Variants in RAB38 observed in about 807,000 individuals in gnomAD.
RAB38 encodes the protein ras-related protein Rab-38.
A neutral mutation model predicts 18.4 loss-of-function variants in RAB38; 15 were observed. That is an observed-to-expected ratio of 0.82 (90% confidence interval 0.55 to 1.26). The LOEUF (loss-of-function observed/expected upper bound fraction) is 1.26. Among genes scored for constraint, RAB38 ranks in the 50% most tolerant of loss-of-function variants. RAB38 has a pLI of 0.00. For synonymous variants in RAB38, 101 were observed against 104.4 expected, an observed-to-expected ratio of 0.97 and a Z score of 0.20; for missense variants, 294 against 267.4, an observed-to-expected ratio of 1.10 and a Z score of -0.69.
At chr11:88,036,740 G>A in the RAB38 span, among the ~76,000 whole-genome samples, 3 of 151,864 alleles carry the variant, frequency 2.0e-5, no homozygotes, top group Admixed American at 2.0e-4. Flanking sequence ...TTATTTACTT[G>A]AGAACTATTA....
At chr11:87,910,628 A>ATTTTTTTTTTTT in the RAB38 span, among the ~76,000 whole-genome samples, 4 of 74,194 alleles carry the variant, frequency 5.4e-5, no homozygotes, top group African/African-American at 2.4e-4. Context: ...TTCAAAGTTC[A>ATTTTTTTTTTTT]TTTTCTTTTT....
At position 88,175,244 on chromosome 11, in the gene RAB38, C is replaced by A. The variant is rs1437937995; in HGVS notation, c.141G>T (p.Ala47=). 1.2e-6 allele frequency: 2 copies of A among 1,614,126 alleles called. No homozygotes were observed. Among genetic ancestry groups the A allele is most frequent in the South Asian group, 1.1e-5 (1 of 91,066 alleles). Residue 47 remains alanine (A), a synonymous_variant, in exon 1 of 3, where the codon GCG becomes GCT. Coordinates refer to ENST00000243662, the MANE Select transcript of RAB38 (RefSeq NM_022337.3). The stretch of plus-strand genomic sequence containing the variant: ...CCGGGTCCCAGTGGAGCACCTTGAG[C>A]GCGAAGTCCACGCCGATTGTGGCCC... The part of the protein sequence containing the change: ...HYRATIGVDF[A]LKVLHWDPET...
At chr11:87,861,420 G>C in the RAB38 span, among the ~76,000 whole-genome samples, 1 of 151,830 alleles carries the variant, frequency 6.6e-6, no homozygotes, top group Non-Finnish European at 1.5e-5. Flanking sequence ...TATAATCAGG[G>C]ATGAAACAAA....
chr11:87,940,177 A>AAG, the RAB38 span, among the ~76,000 whole-genome samples: 5 of 151,732 alleles, frequency 3.3e-5, no homozygotes, highest in East Asian at 9.7e-4. Context: ...AAAAAAAAAA[A>AAG]AAAGAGAGAG....
At chr11:87,886,884 A>G in the RAB38 span, among the ~76,000 whole-genome samples, 1 of 144,184 alleles carries the variant, frequency 6.9e-6, no homozygotes, top group African/African-American at 2.6e-5. Flanking sequence ...ATCACTATCT[A>G]TGTTCAATGG....
the RAB38 span, among the ~76,000 whole-genome samples, chr11:87,855,935 G>T: frequency 2.0e-5 from 3 of 152,016 alleles, no homozygotes; most frequent in Non-Finnish European, 1.5e-5. Flanking sequence ...TAATCTTGGG[G>T]GTACAACACT....
chr11:87,884,788 A>G, the RAB38 span, among the ~76,000 whole-genome samples: 1 of 151,920 alleles, frequency 6.6e-6, no homozygotes, highest in African/African-American at 2.4e-5. Flanking sequence ...CCATTTTATC[A>G]TGACATTACC....
At chr11:87,812,293 T>A in the RAB38 span, among the ~76,000 whole-genome samples, 1 of 152,202 alleles carries the variant, frequency 6.6e-6, no homozygotes, top group African/African-American at 2.4e-5. Context: ...GATGCTCTGA[T>A]TGCCCTTAGG....
chr11:87,949,465 C>A, the RAB38 span, among the ~76,000 whole-genome samples: 3 of 152,094 alleles, frequency 2.0e-5, no homozygotes, highest in Non-Finnish European at 4.4e-5. Context: ...TTTTCTAGTT[C>A]TTTTAAATGT....
the RAB38 span, among the ~76,000 whole-genome samples, chr11:87,829,184 T>C: frequency 6.6e-6 from 1 of 152,228 alleles, no homozygotes; most frequent in Non-Finnish European, 1.5e-5. Flanking sequence ...GAAAGGCAAG[T>C]AACTACACAC....
chr11:87,958,535 A>G, the RAB38 span, among the ~76,000 whole-genome samples: 1 of 152,132 alleles, frequency 6.6e-6, no homozygotes, highest in Non-Finnish European at 1.5e-5. Flanking sequence ...TAGCAATGTT[A>G]TGATACACCT....
At chr11:88,083,666 C>T in the RAB38 span, among the ~76,000 whole-genome samples, 1 of 151,876 alleles carries the variant, frequency 6.6e-6, no homozygotes, top group Non-Finnish European at 1.5e-5. Context: ...GTCATGAGGG[C>T]TCTGCCGTCA....
chr11:88,136,429 A>G (rs531844994), intron 2 of RAB38, among the ~76,000 whole-genome samples: 118 of 152,324 alleles, frequency 7.7e-4, no homozygotes, highest in Admixed American at 1.6e-3. Flanking sequence ...AGACAAAATC[A>G]ATACTAAAAA....
chr11:87,827,958 C>A, the RAB38 span, among the ~76,000 whole-genome samples: 1 of 152,142 alleles, frequency 6.6e-6, no homozygotes, highest in African/African-American at 2.4e-5. Flanking sequence ...ACAAAAAGAA[C>A]ATTAGTGGAA....
chr11:87,951,568 G>A, the RAB38 span, among the ~76,000 whole-genome samples: 1 of 152,052 alleles, frequency 6.6e-6, no homozygotes, highest in Non-Finnish European at 1.5e-5. Flanking sequence ...TGTACAGATG[G>A]GGTTTTGGTG....
the RAB38 span, among the ~76,000 whole-genome samples, chr11:87,939,778 G>C: frequency 1.3e-5 from 2 of 152,128 alleles, no homozygotes; most frequent in African/African-American, 4.8e-5. Context: ...TGTATTCCCA[G>C]CTACTCAGGA....
At chr11:87,950,152 C>CA in the RAB38 span, among the ~76,000 whole-genome samples, 2 of 151,666 alleles carry the variant, frequency 1.3e-5, no homozygotes, top group Non-Finnish European at 3.0e-5. Context: ...TAATGGCCTT[C>CA]ATCTCTTTTG....
the RAB38 span, among the ~76,000 whole-genome samples, chr11:88,029,145 G>A: frequency 6.6e-6 from 1 of 151,828 alleles, no homozygotes; most frequent in South Asian, 2.1e-4. Flanking sequence ...CATAAGCGAA[G>A]GAGAAATAAA....
the RAB38 span, among the ~76,000 whole-genome samples, chr11:88,005,617 G>T: frequency 1.2e-4 from 18 of 149,232 alleles, no homozygotes; most frequent in Non-Finnish European, 1.2e-4. Flanking sequence ...GATACCATTT[G>T]TCTGTATTTG....
Sources: allele counts gnomAD v4.1 joint callset (sites outside exome capture counted in the v4.1 genomes callset), GRCh38; gene constraint gnomAD v4.1.1; transcripts MANE v1.5; gene names NCBI Gene and HGNC (gene_info 2026-07-23, HGNC 2026-07-21).